Variants in IFT43 observed in about 807,000 individuals in gnomAD.
The protein encoded by IFT43 is intraflagellar transport protein 43 homolog.
A neutral mutation model predicts 32.3 loss-of-function variants in IFT43; 33 were observed. That is an observed-to-expected ratio of 1.02 (90% CI 0.77 to 1.37). IFT43 has a LOEUF of 1.37. IFT43 is among the 40% of genes most tolerant of loss of function. The pLI is 0.00. For synonymous variants in IFT43, 93 were observed against 98.2 expected (o/e 0.95, Z 0.31); for missense variants, 274 against 265.9 (o/e 1.03, Z -0.21).
At chr14:76,043,528 G>A (rs1357967429) in intron 3 of IFT43, among the ~76,000 whole-genome samples, 5 of 151,960 alleles carry the variant, frequency 3.3e-5, no homozygotes, top group African/African-American at 1.2e-4. Flanking sequence ...GTGCAGTGGT[G>A]CGATCTTGGC....
intron 4 of IFT43, 185 bp downstream of exon 4, chr14:76,058,859 C>T: frequency 6.6e-7 from 1 of 1,512,352 alleles, no homozygotes; most frequent in Non-Finnish European, 8.8e-7. Flanking sequence ...AGGTCTGGAC[C>T]CTGGCATTGA....
At chr14:76,036,474 C>T (rs1450846404) in intron 3 of IFT43, among the ~76,000 whole-genome samples, 7 of 138,350 alleles carry the variant, frequency 5.1e-5, no homozygotes, top group Admixed American at 2.3e-4. Context: ...GGTGTGATCT[C>T]GGCTCACTGA....
chr14:76,055,271 AG>A (rs2036989993), intron 3 of IFT43, among the ~76,000 whole-genome samples: 3 of 151,848 alleles, frequency 2.0e-5, no homozygotes, highest in Admixed American at 2.0e-4. Context: ...ACATGAACTC[AG>A]GAGTTTGAGG....
chr14:76,051,035 T>G (rs2036904483), intron 3 of IFT43, among the ~76,000 whole-genome samples: 1 of 151,684 alleles, frequency 6.6e-6, no homozygotes, highest in Admixed American at 6.6e-5. Flanking sequence ...TCACTAGGCC[T>G]TGGCAGTGTA....
chr14:76,079,428 G>A (rs768387552), intron 5 of IFT43, among the ~76,000 whole-genome samples: 4 of 152,142 alleles, frequency 2.6e-5, no homozygotes, highest in Non-Finnish European at 5.9e-5. Context: ...CAACTGACTG[G>A]GTGGGCGTGA....
At chr14:75,986,861 C>T (rs2035539998) in intron 1 of IFT43, among the ~76,000 whole-genome samples, 1 of 152,148 alleles carries the variant, frequency 6.6e-6, no homozygotes, top group Non-Finnish European at 1.5e-5. Context: ...TTTTTTAGTA[C>T]CTGGGGATGT....
intron 3 of IFT43, among the ~76,000 whole-genome samples, chr14:76,043,585 G>A (rs141714445): frequency 9.2e-5 from 14 of 152,150 alleles, no homozygotes; most frequent in South Asian, 4.2e-4. Flanking sequence ...TTTTTGACAT[G>A]GGACAACCTT....
At chr14:75,989,663 C>T (rs1047035379) in intron 2 of IFT43, among the ~76,000 whole-genome samples, 1 of 152,162 alleles carries the variant, frequency 6.6e-6, no homozygotes, top group African/African-American at 2.4e-5. Context: ...CTTTCACTTC[C>T]CATAGTACCT....
rs371503299 is a variant in IFT43 at position 75,986,184 on chromosome 14, G to A, written c.54+344G>A. 1.2e-4 allele frequency: 164 copies of A among 1,323,560 alleles called. No homozygotes were observed. In the East Asian group the frequency reaches 5.8e-3, roughly 47 times the overall value. The allele number at this position is 1,323,560 out of a possible 1,614,324, so 82.0% of individuals were successfully genotyped here. ...ATCACAGGGTGATAGGGGAGCCCCGGCCGGGGTCGCACTCGCTCCCATCCT... is the reference window on the plus strand; with the variant it reads ...ATCACAGGGTGATAGGGGAGCCCCGACCGGGGTCGCACTCGCTCCCATCCT... On this transcript the variant is annotated intron_variant, in intron 1 of 8. Coordinates refer to ENST00000314067, the MANE Select transcript of IFT43 (RefSeq NM_001102564.3).
intron 5 of IFT43, 54 bp from the exon 6 acceptor site, chr14:76,082,241 A>C (rs910922455): frequency 2.8e-5 from 42 of 1,516,228 alleles, no homozygotes; most frequent in Non-Finnish European, 3.7e-5. Flanking sequence ...GTGGAGAAGC[A>C]GGCACAATCC....
At position 76,082,322 on chromosome 14, in the gene IFT43, A is replaced by G; in HGVS notation, c.323A>G (p.Glu108Gly). 1 of 1,613,972 alleles carries G rather than the reference A, an allele frequency of 6.2e-7. No homozygotes were observed. The highest frequency in any genetic ancestry group is 8.5e-7 in the Non-Finnish European group (1 of 1,179,844). Residue 108 changes from glutamate to glycine, a missense_variant, in exon 6 of 9, where the codon GAA (glutamate) becomes GGA (glycine). Glu to Gly is a moderately conservative substitution (Grantham distance 98, BLOSUM62 -2). Coordinates refer to ENST00000314067, the MANE Select transcript of IFT43 (RefSeq NM_001102564.3). ...GDIPIIPDLE[E>G]VQEEDFVLQV... ...ATTCCTATCATTCCGGATCTGGAGG[A>G]AGTACAGGAAGAAGACTTTGTTTTG...
chr14:75,985,801 C>T lies in IFT43; in HGVS notation c.15C>T (p.Leu5=). The T allele has an allele frequency of 3.1e-6, 5 of 1,614,144 alleles. No individual in the cohort carries two copies. Among genetic ancestry groups the T allele is most frequent in the African/African-American group, 2.7e-5 (2 of 75,052 alleles). Residue 5 remains leucine (L), a synonymous_variant, in exon 1 of 9, where the codon CTC becomes CTT. Coordinates refer to ENST00000314067, the MANE Select transcript of IFT43 (RefSeq NM_001102564.3). The stretch of plus-strand genomic sequence containing the variant: ...CGGCCGCGGAGATGGAGGATTTGCT[C>T]GACTTGGACGAGGAGCTTCGCTACA... MEDL[L]DLDEELRYSL... is the part of the protein sequence containing the mutation.
At chr14:76,027,241 TA>T (rs892800543) in intron 3 of IFT43, among the ~76,000 whole-genome samples, 2 of 151,838 alleles carry the variant, frequency 1.3e-5, no homozygotes, top group African/African-American at 4.8e-5. Context: ...AAAGTTAAAT[TA>T]AAAAAAACCA....
intron 7 of IFT43, 96 bp downstream of exon 7, chr14:76,082,788 C>CAGGGGACTGGTGGAGGCG: frequency 1.1e-6 from 1 of 916,308 alleles, no homozygotes; most frequent in Non-Finnish European, 1.8e-6. Context: ...TACAGCGCCT[C>CAGGGGACTGGTGGAGGCG]CACCAGTCCC....
At chr14:75,995,491 C>T (rs10135003) in intron 2 of IFT43, among the ~76,000 whole-genome samples, 14,581 of 152,104 alleles carry the variant, frequency 0.096, 706 homozygotes, top group Middle Eastern at 0.19. Context: ...CAGATTCCCT[C>T]GCAGGAATCT....
intron 2 of IFT43, among the ~76,000 whole-genome samples, chr14:75,996,642 C>G (rs888704728): frequency 4.6e-5 from 7 of 152,202 alleles, no homozygotes; most frequent in African/African-American, 1.7e-4. Flanking sequence ...CTTGTAGTAG[C>G]ATTTCTGCCT....
chr14:76,058,426 T>C (rs923699781), intron 3 of IFT43: 6 of 506,802 alleles, frequency 1.2e-5, no homozygotes, highest in Non-Finnish European at 2.1e-5. Context: ...ACAATCCAAT[T>C]TGGAGTGAGG....
intron 3 of IFT43, among the ~76,000 whole-genome samples, chr14:76,033,414 A>G (rs768664416): frequency 1.7e-4 from 26 of 152,312 alleles, no homozygotes; most frequent in Non-Finnish European, 3.2e-4. Flanking sequence ...AGTAGGGCGG[A>G]TAGTTTTCCT....
intron 3 of IFT43, among the ~76,000 whole-genome samples, chr14:76,026,342 T>C (rs1486809817): frequency 6.6e-6 from 1 of 152,132 alleles, no homozygotes. Flanking sequence ...GTGAATCACC[T>C]GAGGTCGGGA....
Sources: gnomAD v4.1 joint callset for allele counts (sites outside exome capture counted in the v4.1 genomes callset) on GRCh38, gnomAD v4.1.1 for gene constraint, MANE v1.5 for transcripts, NCBI Gene and HGNC (gene_info 2026-07-23, HGNC 2026-07-21) for gene names.